The following ASIP variants were observed in gnomAD, a reference collection of about 807,000 sequenced individuals.
ASIP encodes the protein agouti-signaling protein.
ASIP carries 11 observed loss-of-function variants against 10.3 expected under a neutral mutation model. That is an observed-to-expected ratio of 1.07 (90% CI 0.68 to 1.78). The LOEUF (loss-of-function observed/expected upper bound fraction) is 1.78, where lower values mean the gene tolerates loss of function less well. Ranked by LOEUF, ASIP falls within the 40% of genes most tolerant of loss-of-function variation. The pLI is 0.00. For missense variants in ASIP, 180 were observed against 169.2 expected, an observed-to-expected ratio of 1.06 and a Z score of -0.35; for synonymous variants, 70 against 70.8, an observed-to-expected ratio of 0.99 and a Z score of 0.06.
At chr20:34,267,774 G>A (rs998085715) in intron 3 of ASIP, among the ~76,000 whole-genome samples, 5 of 151,136 alleles carry the variant, frequency 3.3e-5, no homozygotes, top group East Asian at 1.9e-4. Flanking sequence ...CAGGTGATCC[G>A]CCTGCCTAGG....
chr20:34,217,206 G>A (rs1715984713), intron 1 of ASIP, among the ~76,000 whole-genome samples: 1 of 152,010 alleles, frequency 6.6e-6, no homozygotes, highest in Admixed American at 6.5e-5. Context: ...GAGAGGCCAA[G>A]GCAGGTGGAT....
At chr20:34,231,759 T>G (rs1402029775) in intron 1 of ASIP, among the ~76,000 whole-genome samples, 2 of 152,156 alleles carry the variant, frequency 1.3e-5, no homozygotes, top group African/African-American at 2.4e-5. Flanking sequence ...CAGATGGAAA[T>G]AAGCTCATTA....
Position 34,269,047 on chromosome 20 carries a change from C to G in ASIP, c.279C>G (p.Cys93Trp). The G allele has an allele frequency of 1.2e-6, 2 of 1,603,334 alleles. No homozygotes were observed. The highest frequency in any genetic ancestry group is 1.7e-6 in the Non-Finnish European group (2 of 1,175,844). Residue 93 changes from cysteine (C) to tryptophan (W), a missense_variant, in exon 4 of 4, where the codon TGC (cysteine) becomes TGG (tryptophan). Coordinates refer to ENST00000374954, the MANE Select transcript of ASIP (RefSeq NM_001672.3). Reference sequence around the variant, plus strand: ...CCCGGACCCCCCTATCTGCGCCCTGCGTGGCCACCCGCAACAGCTGCAAGC... The same window carrying G: ...CCCGGACCCCCCTATCTGCGCCCTGGGTGGCCACCCGCAACAGCTGCAAGC... ...VRPRTPLSAP[C>W]VATRNSCKPP...
chr20:34,258,774 A>T (rs1443412814), intron 1 of ASIP, among the ~76,000 whole-genome samples: 1 of 99,488 alleles, frequency 1.0e-5, no homozygotes, highest in East Asian at 2.9e-4. Context: ...TATATAATAT[A>T]TATAGTATAT....
rs2035669078 is a variant in ASIP at position 34,260,407 on chromosome 20, G to A, written c.33G>A (p.Leu11=). Residue 11 remains leucine (L), a synonymous_variant, in exon 2 of 4, where the codon CTG becomes CTA. Transcript: ENST00000374954. The stretch of plus-strand genomic sequence containing the variant: ...TCACCCGCTTACTCCTGGCCACCCT[G>A]CTGGTCTTCCTCTGCTTCTTCACTG... MDVTRLLLAT[L]LVFLCFFTAN... 6.2e-7 allele frequency: 1 copy of A among 1,613,932 alleles called. No homozygotes were observed. The highest frequency in any genetic ancestry group is 1.1e-5 in the South Asian group (1 of 91,056).
intron 3 of ASIP, among the ~76,000 whole-genome samples, chr20:34,263,602 GA>G (rs1216526931): frequency 6.9e-6 from 1 of 145,908 alleles, no homozygotes; most frequent in African/African-American, 2.7e-5. Context: ...AAATGCAGTT[GA>G]CTCTTGAACA....
At chr20:34,239,354 C>T (rs1217179943), upstream of ASIP, among the ~76,000 whole-genome samples, 1 of 151,986 alleles carries the variant, frequency 6.6e-6, no homozygotes, top group Non-Finnish European at 1.5e-5. Context: ...GTAGCTGGGA[C>T]TACAGGCACC....
intron 1 of ASIP, among the ~76,000 whole-genome samples, chr20:34,235,887 AAGGAAGGAAGGAAAGG>A (rs1386415301): frequency 8.7e-5 from 9 of 103,250 alleles, no homozygotes; most frequent in African/African-American, 3.5e-4. Flanking sequence ...GGAAGGAAGG[AAGGAAGGAAGGAAAGG>A]AAGGAAGGAA....
chr20:34,217,617 A>G (rs1260573064), intron 1 of ASIP, among the ~76,000 whole-genome samples: 2 of 151,782 alleles, frequency 1.3e-5, no homozygotes, highest in African/African-American at 2.4e-5. Context: ...GCTGGAGTGC[A>G]GTGGCGCGAT....
At chr20:34,253,987 GGAAA>G (rs1335748343) in intron 1 of ASIP, among the ~76,000 whole-genome samples, 1 of 152,150 alleles carries the variant, frequency 6.6e-6, no homozygotes, top group African/African-American at 2.4e-5. Context: ...ATTGCAGAGT[GGAAA>G]GACAGTTGAG....
chr20:34,255,112 GT>G (rs891130625), intron 1 of ASIP, among the ~76,000 whole-genome samples: 1 of 152,118 alleles, frequency 6.6e-6, no homozygotes, highest in Non-Finnish European at 1.5e-5. Context: ...AACTGAGCTT[GT>G]ACCTACATTA....
chr20:34,216,186 G>A (rs1203268319), intron 1 of ASIP, among the ~76,000 whole-genome samples: 1 of 152,218 alleles, frequency 6.6e-6, no homozygotes, highest in Non-Finnish European at 1.5e-5. Flanking sequence ...TGAGTGGCAG[G>A]CAAGCAAGCA....
At chr20:34,197,830 C>T (rs745357974) in intron 1 of ASIP, among the ~76,000 whole-genome samples, 3 of 152,142 alleles carry the variant, frequency 2.0e-5, no homozygotes, top group East Asian at 1.9e-4. Context: ...CAGAGTCAGG[C>T]TTGCATCTGC....
intron 1 of ASIP, among the ~76,000 whole-genome samples, chr20:34,236,067 A>G (rs2035204601): frequency 6.9e-6 from 1 of 145,684 alleles, no homozygotes; most frequent in Non-Finnish European, 1.5e-5. Context: ...GGAGAGAGAG[A>G]AAGAAAGAGA....
chr20:34,210,172 G>A (rs560376652), intron 1 of ASIP, among the ~76,000 whole-genome samples: 1 of 152,338 alleles, frequency 6.6e-6, no homozygotes, highest in East Asian at 1.9e-4. Context: ...CCAAATGGTG[G>A]GACTAAAAGA....
chr20:34,253,833 C>T (rs1159525416), intron 1 of ASIP, among the ~76,000 whole-genome samples: 4 of 152,130 alleles, frequency 2.6e-5, no homozygotes, highest in African/African-American at 9.7e-5. Context: ...ACAGGTTCAT[C>T]CAAGTGATCT....
chr20:34,250,643 C>T (rs2122631233), intron 1 of ASIP, among the ~76,000 whole-genome samples: 1 of 152,226 alleles, frequency 6.6e-6, no homozygotes, highest in South Asian at 2.1e-4. Context: ...ACTAAAAGTA[C>T]AAAATTAGCC....
chr20:34,209,903 T>C (rs1416044219), intron 1 of ASIP, among the ~76,000 whole-genome samples: 1 of 152,072 alleles, frequency 6.6e-6, no homozygotes, highest in Non-Finnish European at 1.5e-5. Context: ...TGGGAAATAG[T>C]GGTGCCTTTT....
rs904985089 is a variant in ASIP, at chr20:34,215,790, A to G, written c.-11+21030A>G. 5.1e-5 allele frequency: 78 copies of G among 1,544,278 alleles called. No homozygotes were observed. The African/African-American group carries it at 9.1e-4, about 18-fold the overall frequency. On this transcript the variant is annotated intron_variant, in intron 1 of 3. Coordinates refer to the ASIP transcript ENST00000568305. ...GCTAGAGCTTCTGCACACACCTGCC[A>G]GGCATCTGGGGAAATCTTTAACTGC...
Sources: gnomAD v4.1 joint callset for allele counts (sites outside exome capture counted in the v4.1 genomes callset) on GRCh38, gnomAD v4.1.1 for gene constraint, MANE v1.5 for transcripts, NCBI Gene and HGNC (gene_info 2026-07-23, HGNC 2026-07-21) for gene names.